The following TLE1 variants were observed in gnomAD, a reference collection of about 807,000 sequenced individuals.
TLE1 encodes the protein transducin-like enhancer protein 1.
TLE1 carries 21 observed loss-of-function variants against 89.8 expected under a neutral mutation model. The observed-to-expected ratio is 0.23, with a 90% CI of 0.17 to 0.34. The LOEUF (loss-of-function observed/expected upper bound fraction) is 0.34, where lower values mean the gene tolerates loss of function less well. Among genes scored for constraint, TLE1 ranks in the 10% least tolerant of loss-of-function variants. The pLI is 1.00. For synonymous variants in TLE1, 447 were observed against 407.6 expected, an observed-to-expected ratio of 1.10 and a Z score of -1.16; for missense variants, 795 against 1,031.2, an observed-to-expected ratio of 0.77 and a Z score of 3.14.
chr9:81,675,698 G>GTTTTTTTTTTTTT (rs35060460), intron 4 of TLE1, among the ~76,000 whole-genome samples: 1,696 of 129,248 alleles, frequency 0.013, 188 homozygotes, highest in Non-Finnish European at 0.016. Context: ...ACTCACACTA[G>GTTTTTTTTTTTTT]TTTTTTTTTG....
At chr9:81,664,252 C>CAA (rs75917762) in intron 4 of TLE1, among the ~76,000 whole-genome samples, 39 of 128,386 alleles carry the variant, frequency 3.0e-4, no homozygotes, top group South Asian at 1.8e-3. Flanking sequence ...CTGCCTCTAC[C>CAA]AAAAAAAAAA....
chr9:81,656,854 C>A (rs188692214), intron 4 of TLE1, among the ~76,000 whole-genome samples: 1 of 152,210 alleles, frequency 6.6e-6, no homozygotes, highest in East Asian at 1.9e-4. Context: ...CCACACAGAT[C>A]TCTAAAAGGA....
intron 6 of TLE1, among the ~76,000 whole-genome samples, chr9:81,638,193 TCTCCTGTCC>T (rs1255177394): frequency 1.3e-5 from 2 of 152,110 alleles, no homozygotes; most frequent in Non-Finnish European, 2.9e-5. Context: ...ATGAGTACCA[TCTCCTGTCC>T]CCCCTTCTCA....
chr9:81,631,242 T>C (rs1163599879), intron 8 of TLE1, among the ~76,000 whole-genome samples: 2 of 152,132 alleles, frequency 1.3e-5, no homozygotes, highest in Admixed American at 6.6e-5. Flanking sequence ...CTCCACCCAC[T>C]CCAATGAACC....
At chr9:81,641,091 G>T (rs931094211) in intron 6 of TLE1, among the ~76,000 whole-genome samples, 2 of 151,988 alleles carry the variant, frequency 1.3e-5, no homozygotes, top group Non-Finnish European at 2.9e-5. Context: ...TCTTTTAAGG[G>T]GACAAAAACG....
At chr9:81,613,725 A>C (rs1197721174) in intron 11 of TLE1, among the ~76,000 whole-genome samples, 2 of 152,092 alleles carry the variant, frequency 1.3e-5, no homozygotes, top group African/African-American at 4.8e-5. Flanking sequence ...AACTCGAGCT[A>C]GAGACACAGA....
chr9:81,679,370 T>C (rs1466811633), intron 4 of TLE1, among the ~76,000 whole-genome samples: 1 of 152,056 alleles, frequency 6.6e-6, no homozygotes, highest in Non-Finnish European at 1.5e-5. Flanking sequence ...AAATCTGAAA[T>C]CATTCCTTTG....
At chr9:81,590,464 T>C (rs1233398620) in intron 16 of TLE1, among the ~76,000 whole-genome samples, 1 of 152,256 alleles carries the variant, frequency 6.6e-6, no homozygotes, top group Non-Finnish European at 1.5e-5. Flanking sequence ...GCCCAAAACA[T>C]CTAGTATCAA....
intron 6 of TLE1, among the ~76,000 whole-genome samples, chr9:81,644,518 CAT>C (rs1406980061): frequency 6.6e-6 from 1 of 152,060 alleles, no homozygotes; most frequent in Non-Finnish European, 1.5e-5. Flanking sequence ...TAGGCAAATT[CAT>C]AGAGATGGAT....
At chr9:81,658,976 T>A (rs1830456271) in intron 4 of TLE1, among the ~76,000 whole-genome samples, 1 of 152,126 alleles carries the variant, frequency 6.6e-6, no homozygotes, top group African/African-American at 2.4e-5. Context: ...TGGAGCCATC[T>A]TAGCTCACTG....
chr9:81,660,933 A>AC lies in TLE1; in HGVS notation c.235-6898_235-6897insG, dbSNP rs1830688541. ...AACACGGTGAAACCCCATCCCTACT[A>AC]AACACACACACACACACACACACAC... On this transcript the variant is annotated intron_variant, in intron 4 of 19. Coordinates refer to ENST00000376499, the MANE Select transcript of TLE1 (RefSeq NM_005077.5). Among the ~76,000 whole-genome samples the AC allele has an allele frequency of 1.2e-4, 12 of 100,354 alleles. No individual in the cohort carries two copies. In the Admixed American group the frequency reaches 1.4e-3, roughly 12 times the overall value. 65.8% of individuals were successfully genotyped at this position (100,354 alleles called of 152,430 possible).
At chr9:81,587,659 C>T (rs1456806769) in intron 17 of TLE1, 22 bp downstream of exon 17, 2 of 1,597,288 alleles carry the variant, frequency 1.3e-6, no homozygotes, top group Admixed American at 3.4e-5. Context: ...GACTCCAGGG[C>T]AGGCGGAAGC....
At chr9:81,597,170 G>C (rs1384563687) in intron 14 of TLE1, among the ~76,000 whole-genome samples, 1 of 152,068 alleles carries the variant, frequency 6.6e-6, no homozygotes, top group Non-Finnish European at 1.5e-5. Context: ...AGGTCGCAGG[G>C]GTTGCTGTAA....
At chr9:81,680,492 T>C (rs999163514) in intron 4 of TLE1, among the ~76,000 whole-genome samples, 1 of 152,172 alleles carries the variant, frequency 6.6e-6, no homozygotes, top group Non-Finnish European at 1.5e-5. Context: ...AAAATATTGA[T>C]CATGATAACT....
At chr9:81,633,599 C>A (rs2132355843) in intron 7 of TLE1, 2 of 585,678 alleles carry the variant, frequency 3.4e-6, no homozygotes, top group South Asian at 3.0e-5. Flanking sequence ...TTTTTTATTT[C>A]TTGACAGAAT....
intron 9 of TLE1, 61 bp downstream of exon 9, chr9:81,620,379 AC>A: frequency 1.6e-6 from 2 of 1,222,586 alleles, no homozygotes; most frequent in Non-Finnish European, 2.4e-6. Context: ...CTTAGAATAT[AC>A]TTGGATACTC....
At chr9:81,655,989 T>C (rs886235482) in intron 4 of TLE1, among the ~76,000 whole-genome samples, 4 of 152,172 alleles carry the variant, frequency 2.6e-5, no homozygotes, top group African/African-American at 9.7e-5. Flanking sequence ...TAAGATTGGA[T>C]TTAGTCTGAC....
At chr9:81,638,014 G>C (rs138710557) in intron 6 of TLE1, among the ~76,000 whole-genome samples, 7 of 152,264 alleles carry the variant, frequency 4.6e-5, no homozygotes, top group African/African-American at 7.2e-5. Flanking sequence ...ATGTTCTCCA[G>C]AATAAGAAAG....
At chr9:81,631,353 T>C (rs1226896038) in intron 8 of TLE1, among the ~76,000 whole-genome samples, 3 of 152,176 alleles carry the variant, frequency 2.0e-5, no homozygotes, top group Non-Finnish European at 1.5e-5. Context: ...ATAAAATACA[T>C]CTCTACTAGC....
Sources: gnomAD v4.1 joint callset for allele counts (sites outside exome capture counted in the v4.1 genomes callset) on GRCh38, gnomAD v4.1.1 for gene constraint, MANE v1.5 for transcripts, NCBI Gene and HGNC (gene_info 2026-07-23, HGNC 2026-07-21) for gene names.